DCAF6: variants seen among roughly 807,000 people sequenced by gnomAD.
The protein encoded by DCAF6 is DDB1 and CUL4 associated factor 6.
DCAF6 carries 54 observed loss-of-function variants against 125.1 expected under a neutral mutation model. The observed-to-expected ratio is 0.43, with a 90% CI of 0.35 to 0.54. The LOEUF is 0.54. Among genes scored for constraint, DCAF6 ranks in the 20% least tolerant of loss-of-function variants. The probability of loss-of-function intolerance (pLI) is 0.01; values close to 1 mark genes in which losing one functional copy is unlikely to be tolerated. For synonymous variants in DCAF6, 371 were observed against 390.4 expected, an observed-to-expected ratio of 0.95 and a Z score of 0.58; for missense variants, 934 against 1,161.7, an observed-to-expected ratio of 0.80 and a Z score of 2.85.
chr1:168,075,552 CT>C lies in DCAF6; in HGVS notation c.*124del. ...AGGTTATGGTTTTTGGAGTTTTTCC[CT>C]TTTTTTGGGATAACCTAACATTGGT... On this transcript the variant is annotated 3_prime_UTR_variant, in exon 22 of 22. Coordinates refer to ENST00000367840, the MANE Select transcript of DCAF6 (RefSeq NM_001198956.2). The C allele has an allele frequency of 2.3e-5, 21 of 894,208 alleles. No individual in the cohort carries two copies. Among genetic ancestry groups the C allele is most frequent in the Middle Eastern group, 3.6e-4 (1 of 2,804 alleles). 55.4% of individuals were successfully genotyped at this position (894,208 alleles called of 1,614,324 possible). A position where few individuals can be genotyped will look rare whatever the true frequency, so the allele number is the denominator to read the frequency against.
chr1:168,050,972 T>C, intron 17 of DCAF6, 39 bp downstream of exon 17: 1 of 1,175,846 alleles, frequency 8.5e-7, no homozygotes, highest in South Asian at 2.2e-5. Context: ...TTTTTTATGA[T>C]GGATTTGCCA....
intron 20 of DCAF6, 45 bp from the exon 21 acceptor site, chr1:168,068,313 C>A (rs761258313): frequency 7.2e-7 from 1 of 1,390,838 alleles, no homozygotes; most frequent in Non-Finnish European, 1.0e-6. Context: ...GGAAAAAATA[C>A]AGTTACTTTA....
chr1:167,896,616 A>C, the DCAF6 span: 2 of 1,613,460 alleles, frequency 1.2e-6, no homozygotes, highest in Non-Finnish European at 1.7e-6. Flanking sequence ...CCAGAAGGAT[A>C]ATAATGCATG....
chr1:167,989,276 T>G, intron 5 of DCAF6, among the ~76,000 whole-genome samples: 1 of 152,200 alleles, frequency 6.6e-6, no homozygotes, highest in East Asian at 1.9e-4. Context: ...ATTTTGTTAT[T>G]GCAAACTCTC....
At chr1:168,002,872 A>G (rs991020471) in intron 8 of DCAF6, among the ~76,000 whole-genome samples, 1 of 152,168 alleles carries the variant, frequency 6.6e-6, no homozygotes, top group African/African-American at 2.4e-5. Context: ...GGGTATTGTC[A>G]GACTTTGCAG....
chr1:168,024,298 A>G (rs747356996), intron 12 of DCAF6, among the ~76,000 whole-genome samples: 4 of 151,876 alleles, frequency 2.6e-5, no homozygotes, highest in Non-Finnish European at 5.9e-5. Flanking sequence ...TTTCAAAAAC[A>G]TTTTTTAAAA....
the DCAF6 span, chr1:167,880,457 G>C: frequency 1.3e-6 from 2 of 1,498,708 alleles, no homozygotes; most frequent in Admixed American, 3.3e-5. Flanking sequence ...AAAAGGGTCA[G>C]GGACCGCTGG....
At chr1:167,937,489 A>C (rs1469252575) in intron 1 of DCAF6, among the ~76,000 whole-genome samples, 1 of 152,048 alleles carries the variant, frequency 6.6e-6, no homozygotes, top group African/African-American at 2.4e-5. Flanking sequence ...CTCCAGACAG[A>C]ATCCGTGTAA....
upstream of DCAF6, chr1:167,935,948 C>T (rs1336455512): frequency 1.2e-6 from 1 of 825,518 alleles, no homozygotes; most frequent in Non-Finnish European, 2.0e-6. Context: ...CGACTCGCGT[C>T]CGCCTCTCGC....
chr1:167,995,506 C>G (rs1459141393), intron 7 of DCAF6, among the ~76,000 whole-genome samples: 1 of 151,952 alleles, frequency 6.6e-6, no homozygotes, highest in Non-Finnish European at 1.5e-5. Context: ...ATGGTGAAAC[C>G]CTTTCTCTAC....
At chr1:168,042,500 C>T (rs1015301093) in intron 13 of DCAF6, among the ~76,000 whole-genome samples, 3 of 151,994 alleles carry the variant, frequency 2.0e-5, no homozygotes, top group South Asian at 2.1e-4. Flanking sequence ...TTCTACAGAA[C>T]TATGATGCTC....
chr1:168,045,415 G>A (rs1689044439), intron 16 of DCAF6, among the ~76,000 whole-genome samples, 188 bp downstream of exon 16: 1 of 152,164 alleles, frequency 6.6e-6, no homozygotes, highest in South Asian at 2.1e-4. Context: ...TGAGCACTGT[G>A]CATTAATAGG....
chr1:167,882,056 G>A, the DCAF6 span, among the ~76,000 whole-genome samples: 1 of 152,320 alleles, frequency 6.6e-6, no homozygotes, highest in South Asian at 2.1e-4. Flanking sequence ...TGTTGAATTA[G>A]TGAGTGAGTG....
chr1:168,038,934 ATTTG>A (rs1688165017), intron 13 of DCAF6, among the ~76,000 whole-genome samples: 1 of 152,000 alleles, frequency 6.6e-6, no homozygotes, highest in African/African-American at 2.4e-5. Context: ...TCTCCCCTGC[ATTTG>A]TTTGACTTTA....
At chr1:168,051,967 G>T (rs978328572) in intron 17 of DCAF6, among the ~76,000 whole-genome samples, 2 of 150,826 alleles carry the variant, frequency 1.3e-5, no homozygotes, top group Admixed American at 1.3e-4. Context: ...TACAACCTCT[G>T]CCTCCAGAGT....
At chr1:168,022,463 A>G (rs1416988594) in intron 11 of DCAF6, among the ~76,000 whole-genome samples, 1 of 152,218 alleles carries the variant, frequency 6.6e-6, no homozygotes, top group Non-Finnish European at 1.5e-5. Context: ...TGTTTCTGTA[A>G]TGATAATTAC....
the DCAF6 span, chr1:167,919,959 A>G: frequency 6.4e-7 from 1 of 1,573,506 alleles, no homozygotes; most frequent in Non-Finnish European, 8.6e-7. Context: ...CAGTTTTAAA[A>G]ATATCTCTGG....
At chr1:167,904,083 T>A in the DCAF6 span, 11 of 101,260 alleles carry the variant, frequency 1.1e-4, no homozygotes, top group South Asian at 2.4e-4. Context: ...GGGCCTCAGC[T>A]TTTTTTTTTT....
chr1:167,955,653 C>T (rs1177622074), intron 2 of DCAF6, among the ~76,000 whole-genome samples: 1 of 151,636 alleles, frequency 6.6e-6, no homozygotes, highest in East Asian at 1.9e-4. Flanking sequence ...GTTAGTTTTA[C>T]TTCTTTTCTA....
Sources: allele counts gnomAD v4.1 joint callset (sites outside exome capture counted in the v4.1 genomes callset), GRCh38; gene constraint gnomAD v4.1.1; transcripts MANE v1.5; gene names NCBI Gene and HGNC (gene_info 2026-07-23, HGNC 2026-07-21).